The following TBC1D16 variants were observed in gnomAD, a reference collection of about 807,000 sequenced individuals.
TBC1D16 encodes CTD-2529O21.1.
A neutral mutation model predicts 74.7 loss-of-function variants in TBC1D16; 58 were observed. The observed-to-expected ratio is 0.78, with a 90% CI of 0.63 to 0.97. The LOEUF is 0.97. Ranked by LOEUF, TBC1D16 falls within the 50% of genes least tolerant of loss-of-function variation. The pLI is 0.00. For synonymous variants in TBC1D16, 493 were observed against 474.7 expected (o/e 1.04, Z -0.50); for missense variants, 1,014 against 1,079.5 (o/e 0.94, Z 0.85).
At chr17:80,026,085 T>TAAAC (rs1409998066) in intron 1 of TBC1D16, 1 of 149,882 alleles carries the variant, frequency 6.7e-6, no homozygotes, top group East Asian at 1.9e-4. Flanking sequence ...AATAAATAAA[T>TAAAC]AAACTGTGAT....
intron 3 of TBC1D16, among the ~76,000 whole-genome samples, chr17:79,998,811 G>A (rs377064780): frequency 2.6e-5 from 4 of 152,188 alleles, no homozygotes; most frequent in South Asian, 2.1e-4. Context: ...CTTCCACCGC[G>A]CCCGTATGAA....
In TBC1D16 at chr17:79,986,683, T is replaced by C. The variant is rs940275825; in HGVS notation, c.779+23477A>G. Reference sequence around the variant, plus strand: ...CTCTTATTAAAGGGCAGAGCCACCATGGTGGGTGAACGGGCTTCCTCTCGG... The same window carrying C: ...CTCTTATTAAAGGGCAGAGCCACCACGGTGGGTGAACGGGCTTCCTCTCGG... On this transcript the variant is annotated intron_variant, in intron 3 of 11. Transcript: ENST00000310924. The surrounding 1 kb of genome is among the most constrained non-coding windows in gnomAD (Gnocchi z 6.0). 1.3e-5 allele frequency among the ~76,000 whole-genome samples: 2 copies of C among 152,142 alleles called. No homozygotes were observed. The highest frequency in any genetic ancestry group is 1.9e-4 in the East Asian group (1 of 5,186).
intron 3 of TBC1D16, among the ~76,000 whole-genome samples, chr17:79,984,897 C>T (rs1185386920): frequency 6.7e-6 from 1 of 148,714 alleles, no homozygotes; most frequent in Non-Finnish European, 1.5e-5. Flanking sequence ...CCCCCACCCA[C>T]CCCACCATCC....
intron 3 of TBC1D16, among the ~76,000 whole-genome samples, chr17:79,984,475 G>A (rs2034731403): frequency 6.6e-6 from 1 of 151,784 alleles, no homozygotes; most frequent in African/African-American, 2.4e-5. Flanking sequence ...GGGTATGGTG[G>A]GGCTTCACAC....
chr17:79,991,228 G>A (rs2035046644), intron 3 of TBC1D16, among the ~76,000 whole-genome samples: 1 of 152,248 alleles, frequency 6.6e-6, no homozygotes, highest in Admixed American at 6.5e-5. Flanking sequence ...CGCCGGGAGA[G>A]CAGGAATGAC....
Position 79,949,624 on chromosome 17 carries a change from T to C in TBC1D16, c.1406+93A>G, listed in dbSNP as rs1463978604. ...AAGAAACTATGGGTCACGAAACATA[T>C]TATCAATGCTGAATTGCACCTCAAA... On this transcript the variant is annotated intron_variant, in intron 7 of 11. Transcript: ENST00000310924. 10 of 1,455,876 alleles carry C rather than the reference T, an allele frequency of 6.9e-6. No individual in the cohort carries two copies. The South Asian group carries it at 1.0e-4, about 15-fold the overall frequency. The allele number at this position is 1,455,876 out of a possible 1,614,324, so 90.2% of individuals were successfully genotyped here.
At chr17:80,003,189 C>T (rs1300855493) in intron 3 of TBC1D16, among the ~76,000 whole-genome samples, 2 of 152,222 alleles carry the variant, frequency 1.3e-5, no homozygotes, top group Non-Finnish European at 2.9e-5. Flanking sequence ...CCCTTGCCCA[C>T]CTGTGGCCGC....
chr17:80,014,944 G>C (rs2036033586), intron 1 of TBC1D16, among the ~76,000 whole-genome samples: 1 of 152,200 alleles, frequency 6.6e-6, no homozygotes, highest in East Asian at 1.9e-4. Flanking sequence ...GCTGTGACCT[G>C]AAACATGTGA....
intron 1 of TBC1D16, among the ~76,000 whole-genome samples, chr17:80,019,088 T>C (rs538183928): frequency 6.7e-6 from 1 of 150,298 alleles, no homozygotes; most frequent in African/African-American, 2.5e-5. Flanking sequence ...ATCGCTCCAG[T>C]TGCCAGAGCT....
At position 80,007,122 on chromosome 17, in the gene TBC1D16, G is replaced by A. The variant is rs118046304; in HGVS notation, c.779+3038C>T. 6.6e-5 allele frequency among the ~76,000 whole-genome samples: 10 copies of A among 152,288 alleles called. No individual in the cohort carries two copies. The highest frequency in any genetic ancestry group is 1.2e-4 in the Non-Finnish European group (8 of 68,022). ...CCAGCACAAAGCTGCAACTCGCCAC[G>A]TTCAGCGAGCCTCCCCTGGACCGGG... On this transcript the variant is annotated intron_variant, in intron 3 of 11. Transcript: ENST00000310924. This position sits in a 1 kb window ranked among gnomAD's most constrained non-coding sequence, Gnocchi z 4.5.
At position 79,941,231 on chromosome 17, in the gene TBC1D16, G is replaced by T; in HGVS notation, c.2056-124C>A. The T allele has an allele frequency of 1.1e-6, 1 of 938,508 alleles. No individual in the cohort carries two copies. Among genetic ancestry groups the T allele is most frequent in the Non-Finnish European group, 1.6e-6 (1 of 642,512 alleles). The allele number at this position is 938,508 out of a possible 1,614,324, so 58.1% of individuals were successfully genotyped here. A position where few individuals can be genotyped will look rare whatever the true frequency, so the allele number is the denominator to read the frequency against. ...GGCCTGCACCTCGGGGGCTCACCGA[G>T]TCCTGGACTGAGGGCTCTGCCTGCA... On this transcript the variant is annotated intron_variant, in intron 11 of 11. Coordinates refer to ENST00000310924, the MANE Select transcript of TBC1D16 (RefSeq NM_019020.4). This position sits in a 1 kb window ranked among gnomAD's most constrained non-coding sequence, Gnocchi z 4.3.
intron 3 of TBC1D16, among the ~76,000 whole-genome samples, chr17:79,969,666 G>T (rs1272729563): frequency 4.6e-5 from 7 of 152,158 alleles, no homozygotes; most frequent in Admixed American, 3.9e-4. Context: ...ATAGGGCCGG[G>T]CACGGTGGCT....
chr17:79,957,980 C>G (rs1459184476), intron 3 of TBC1D16, among the ~76,000 whole-genome samples: 1 of 150,966 alleles, frequency 6.6e-6, no homozygotes, highest in Non-Finnish European at 1.5e-5. Context: ...AAATGCCCAA[C>G]AGAAAACTGG....
intron 3 of TBC1D16, among the ~76,000 whole-genome samples, chr17:79,958,511 C>T (rs1406566604): frequency 1.3e-5 from 2 of 152,186 alleles, no homozygotes; most frequent in African/African-American, 2.4e-5. Context: ...AGCCACCGCG[C>T]CCAGCCCTGA....
intron 1 of TBC1D16, among the ~76,000 whole-genome samples, chr17:80,021,361 G>A (rs2036275794): frequency 6.7e-6 from 1 of 149,622 alleles, no homozygotes; most frequent in South Asian, 2.1e-4. Context: ...CTACTCGGGA[G>A]GCTAAGGTGG....
rs549944220 is a variant in TBC1D16 at position 80,025,558 on chromosome 17, G to C, written c.-63+10237C>G. 8.9e-5 allele frequency among the ~76,000 whole-genome samples: 11 copies of C among 124,208 alleles called. 1 individual carries two copies. Among genetic ancestry groups the C allele is most frequent in the Admixed American group, 2.3e-4 (3 of 12,958 alleles). 81.5% of individuals were successfully genotyped at this position (124,208 alleles called of 152,430 possible). A position where few individuals can be genotyped will look rare whatever the true frequency, so the allele number is the denominator to read the frequency against. On this transcript the variant is annotated intron_variant, in intron 1 of 11. Transcript: ENST00000310924. ...GCAGCAGTCCTGGCACCTGGGCTTC[G>C]GGGCCCGCCTGCTGGGAGCAGCCGC... is the stretch of plus-strand genomic sequence containing the variant.
rs746450905 is a variant in TBC1D16, at chr17:79,960,779, CAAAAAAAAAAAAA to C, written c.780-7974_780-7962del. On this transcript the variant is annotated intron_variant, in intron 3 of 11. Coordinates refer to ENST00000310924, the MANE Select transcript of TBC1D16 (RefSeq NM_019020.4). ...CAAAAAAACCCAAAAAACAAAAACC[CAAAAAAAAAAAAA>C]AAAAAAAAAAAAAAAAACGAAGGAA... 6.8e-4 allele frequency among the ~76,000 whole-genome samples: 23 copies of C among 33,946 alleles called. 1 individual carries two copies. The highest frequency in any genetic ancestry group is 2.3e-3 in the African/African-American group (22 of 9,540). The allele number at this position is 33,946 out of a possible 152,430, so 22.3% of individuals were successfully genotyped here.
At chr17:79,984,406 A>C (rs2034726980) in intron 3 of TBC1D16, among the ~76,000 whole-genome samples, 1 of 152,150 alleles carries the variant, frequency 6.6e-6, no homozygotes, top group Non-Finnish European at 1.5e-5. Context: ...GCAAAAATAA[A>C]AAATAAAAGT....
intron 8 of TBC1D16, among the ~76,000 whole-genome samples, chr17:79,948,658 C>A (rs893563192): frequency 6.6e-6 from 1 of 152,062 alleles, no homozygotes; most frequent in African/African-American, 2.4e-5. Context: ...GCTCTGTGGG[C>A]AGGGACCTGG....
Sources: allele counts gnomAD v4.1 joint callset (sites outside exome capture counted in the v4.1 genomes callset), GRCh38; gene constraint gnomAD v4.1.1; non-coding constraint Gnocchi (gnomAD v3.1); transcripts MANE v1.5; gene names NCBI Gene and HGNC (gene_info 2026-07-23, HGNC 2026-07-21).